PIP5KL1: variants seen among roughly 807,000 people sequenced by gnomAD.
PIP5KL1 encodes the protein phosphatidylinositol-4-phosphate 5-kinase like 1.
A neutral mutation model predicts 47.6 loss-of-function variants in PIP5KL1; 45 were observed. That is an observed-to-expected ratio of 0.94 (90% confidence interval 0.74 to 1.21). The LOEUF is 1.21. Among genes scored for constraint, PIP5KL1 ranks in the 50% most tolerant of loss-of-function variants. PIP5KL1 has a pLI of 0.00. For missense variants in PIP5KL1, 577 were observed against 547.6 expected, an observed-to-expected ratio of 1.05 and a Z score of -0.54; for synonymous variants, 256 against 234.6, an observed-to-expected ratio of 1.09 and a Z score of -0.84.
intron 9 of PIP5KL1, among the ~76,000 whole-genome samples, chr9:127,924,683 T>C (rs1831334562): frequency 6.6e-6 from 1 of 150,822 alleles, no homozygotes; most frequent in South Asian, 2.1e-4. Flanking sequence ...GCAAAAATGT[T>C]AAAAATTAAA....
rs547344566 is a variant in PIP5KL1 at position 127,927,998 on chromosome 9, T to C, written c.434+67A>G. 1 of 1,467,502 alleles carries C rather than the reference T, an allele frequency of 6.8e-7. No homozygotes were observed. The highest frequency in any genetic ancestry group is 1.4e-5 in the South Asian group (1 of 71,478). 90.9% of individuals were successfully genotyped at this position (1,467,502 alleles called of 1,614,324 possible). ...CTCTTCAGGGGGCCTTCCCCGCCAC[T>C]GGGAATTCTGCCCTCCCAGCCAGGG... On this transcript the variant is annotated intron_variant, in intron 4 of 9. Coordinates refer to ENST00000388747, the MANE Select transcript of PIP5KL1 (RefSeq NM_001135219.2). This position sits in a 1 kb window ranked among gnomAD's most constrained non-coding sequence, Gnocchi z 5.5.
intron 1 of PIP5KL1, among the ~76,000 whole-genome samples, chr9:127,930,241 C>T (rs1162766889): frequency 2.0e-5 from 3 of 152,206 alleles, no homozygotes; most frequent in Admixed American, 6.5e-5. Flanking sequence ...ACAGCTTCTT[C>T]GTGGTAGGTA....
chr9:127,930,729 G>A lies in PIP5KL1; in HGVS notation c.24C>T (p.Pro8=). Residue 8 remains proline (P), a synonymous_variant, in exon 1 of 10, where the codon CCC becomes CCT. Transcript: ENST00000388747. MAAPSPG[P]REVLAPSPEA... is the part of the protein sequence containing the mutation. Reference sequence around the variant, plus strand: ...CTCTCGGGTCCGCACCTACCTCGCGGGGCCCCGGGCTCGGCGCAGCCATCG... The same window carrying A: ...CTCTCGGGTCCGCACCTACCTCGCGAGGCCCCGGGCTCGGCGCAGCCATCG... 6.4e-7 allele frequency: 1 copy of A among 1,569,410 alleles called. No individual in the cohort carries two copies. The highest frequency in any genetic ancestry group is 8.6e-7 in the Non-Finnish European group (1 of 1,161,664).
chr9:127,922,715 A>AAG (rs1554720854), intron 9 of PIP5KL1, among the ~76,000 whole-genome samples: 12 of 149,082 alleles, frequency 8.0e-5, no homozygotes, highest in African/African-American at 2.7e-4. Context: ...AAAAAAAGAA[A>AAG]AAAGAAAAAG....
chr9:127,921,035 T>A lies in PIP5KL1; in HGVS notation c.*812A>T, dbSNP rs1831273917. 1 of 152,316 alleles carries A rather than the reference T, an allele frequency of 6.6e-6. No individual in the cohort carries two copies. Among genetic ancestry groups the A allele is most frequent in the Non-Finnish European group, 1.5e-5 (1 of 68,108 alleles). 9.4% of individuals were successfully genotyped at this position (152,316 alleles called of 1,614,324 possible). A position where few individuals can be genotyped will look rare whatever the true frequency, so the allele number is the denominator to read the frequency against. On this transcript the variant is annotated 3_prime_UTR_variant, in exon 10 of 10. Coordinates refer to ENST00000388747, the MANE Select transcript of PIP5KL1 (RefSeq NM_001135219.2). The stretch of plus-strand genomic sequence containing the variant: ...TTCTGGAGGAAAGGCCCGCTTGGGC[T>A]TGGGCATGGTCGGATTGAACTGGGG...
intron 3 of PIP5KL1, 85 bp downstream of exon 3, chr9:127,928,348 A>G: frequency 6.5e-7 from 1 of 1,539,752 alleles, no homozygotes; most frequent in Non-Finnish European, 8.8e-7. Context: ...ACAAGCCTTC[A>G]CTCCCACTGC....
chr9:127,924,021 C>T (rs1278945758), intron 9 of PIP5KL1, among the ~76,000 whole-genome samples: 2 of 152,218 alleles, frequency 1.3e-5, no homozygotes, highest in Admixed American at 6.5e-5. Context: ...ATGATGATGA[C>T]GTCAGCGTCC....
At chr9:127,925,535 G>A (rs1004801127) in intron 8 of PIP5KL1, 20 of 475,046 alleles carry the variant, frequency 4.2e-5, no homozygotes, top group Admixed American at 7.2e-5. Flanking sequence ...GCGCCATCTC[G>A]GCTCACTGCA....
intron 9 of PIP5KL1, 141 bp downstream of exon 9, chr9:127,924,964 ACG>A: frequency 1.1e-5 from 12 of 1,115,336 alleles, no homozygotes; most frequent in Admixed American, 2.2e-5. Context: ...ACGCGCGCAC[ACG>A]CACACACACA....
At chr9:127,923,595 C>T (rs781670321) in intron 9 of PIP5KL1, among the ~76,000 whole-genome samples, 78 of 152,362 alleles carry the variant, frequency 5.1e-4, no homozygotes, top group Non-Finnish European at 9.1e-4. Flanking sequence ...TGCCACCATC[C>T]GGTCAGGACG....
Position 127,929,950 on chromosome 9 carries a change from A to G in PIP5KL1, c.31-65T>C. The G allele has an allele frequency of 1.5e-6, 2 of 1,354,426 alleles. No homozygotes were observed. Among genetic ancestry groups the G allele is most frequent in the Non-Finnish European group, 2.0e-6 (2 of 1,019,486 alleles). The allele number at this position is 1,354,426 out of a possible 1,614,324, so 83.9% of individuals were successfully genotyped here. The stretch of plus-strand genomic sequence containing the variant: ...CACAGAGGAAAAAGATCAGGGTTCA[A>G]GTCCCACTTCCACTACTTGTGAGAC... On this transcript the variant is annotated intron_variant, in intron 1 of 9. Transcript: ENST00000388747. The surrounding 1 kb of genome is among the most constrained non-coding windows in gnomAD (Gnocchi z 4.0).
At chr9:127,922,699 A>AAAG (rs1458347252) in intron 9 of PIP5KL1, among the ~76,000 whole-genome samples, 4 of 147,188 alleles carry the variant, frequency 2.7e-5, no homozygotes, top group Non-Finnish European at 5.9e-5. Flanking sequence ...TGTCTCAAAA[A>AAAG]AAAAAAAAAA....
rs532409259 is a variant in PIP5KL1 at position 127,921,747 on chromosome 9, C to A, written c.*100G>T. Reference sequence around the variant, plus strand: ...GTTAGGGGATGCTGCCCTCTGGCGACCATCAGGAGGAAGCGCAGGCGAGAT... The same window carrying A: ...GTTAGGGGATGCTGCCCTCTGGCGAACATCAGGAGGAAGCGCAGGCGAGAT... On this transcript the variant is annotated 3_prime_UTR_variant, in exon 10 of 10. Coordinates refer to ENST00000388747, the MANE Select transcript of PIP5KL1 (RefSeq NM_001135219.2). 1 of 1,425,134 alleles carries A rather than the reference C, an allele frequency of 7.0e-7. No homozygotes were observed. The highest frequency in any genetic ancestry group is 9.3e-7 in the Non-Finnish European group (1 of 1,078,052). The allele number at this position is 1,425,134 out of a possible 1,614,324, so 88.3% of individuals were successfully genotyped here.
intron 8 of PIP5KL1, 152 bp downstream of exon 8, chr9:127,925,715 C>T (rs558155673): frequency 1.8e-4 from 121 of 670,502 alleles, no homozygotes; most frequent in African/African-American, 1.3e-3. Flanking sequence ...CCACCTGTCT[C>T]GGCCTCCCAA....
In PIP5KL1 at chr9:127,921,864, C is replaced by T. The variant is rs202022606; in HGVS notation, c.1168G>A (p.Glu390Lys). 1.7e-4 allele frequency: 266 copies of T among 1,575,158 alleles called. No homozygotes were observed. Among genetic ancestry groups the T allele is most frequent in the Middle Eastern group, 2.1e-4 (1 of 4,728 alleles). The change falls in exon 10 of 10, where the codon GAG (glutamate) becomes AAG (lysine). Residue 390 changes from glutamate to lysine, a missense_variant. Glu to Lys is a moderately conservative substitution (Grantham distance 56). Transcript: ENST00000388747. ...RYARRLCQWV[E>K]AHTE ...GGCGCCCGTCACTCCGTGTGCGCCT[C>T]CACCCACTGGCAGAGGCGACGGGCG...
rs188921794 is a variant in PIP5KL1, at chr9:127,926,106, C to G, written c.651-127G>C. 4.1e-4 allele frequency: 208 copies of G among 504,548 alleles called. No individual in the cohort carries two copies. In the Middle Eastern group the frequency reaches 9.6e-3, roughly 23 times the overall value. 31.3% of individuals were successfully genotyped at this position (504,548 alleles called of 1,614,324 possible). The stretch of plus-strand genomic sequence containing the variant: ...GATCATCCCCAGTCCTCAGCACAAC[C>G]CTGGCCTGTCTTTTTCTCTTTCTTT... On this transcript the variant is annotated intron_variant, in intron 7 of 9. Transcript: ENST00000388747.
At position 127,927,144 on chromosome 9, in the gene PIP5KL1, GC is replaced by G; in HGVS notation, c.650+8del. 1 of 1,607,762 alleles carries G rather than the reference GC, an allele frequency of 6.2e-7. No individual in the cohort carries two copies. Among genetic ancestry groups the G allele is most frequent in the South Asian group, 1.1e-5 (1 of 90,434 alleles). ...GGGATGGGGGCCCAAACCTGCTTAG[GC>G]CACTCACCTCTCGGAGATGCGGCCG... On this transcript the variant is annotated splice_region_variant and intron_variant, in intron 7 of 9. Transcript: ENST00000388747. The surrounding 1 kb of genome is among the most constrained non-coding windows in gnomAD (Gnocchi z 5.5).
rs781034682 is a variant in PIP5KL1 at position 127,927,359 on chromosome 9, G to C, written c.560-28C>G. ...GGAAGGGGAGAGGGCGCCGGATGAG[G>C]ATCCCCAAACTCCACAACCCGGGGT... On this transcript the variant is annotated intron_variant, in intron 5 of 9. Coordinates refer to ENST00000388747, the MANE Select transcript of PIP5KL1 (RefSeq NM_001135219.2). The surrounding 1 kb of genome is among the most constrained non-coding windows in gnomAD (Gnocchi z 5.5). 5 of 1,596,404 alleles carry C rather than the reference G, an allele frequency of 3.1e-6. No individual in the cohort carries two copies. Among genetic ancestry groups the C allele is most frequent in the Non-Finnish European group, 4.3e-6 (5 of 1,174,716 alleles).
At position 127,921,242 on chromosome 9, in the gene PIP5KL1, C is replaced by G. The variant is rs529256802; in HGVS notation, c.*605G>C. The stretch of plus-strand genomic sequence containing the variant: ...CTCACCTGAGATCAGTAGTAGACCC[C>G]GTTCAGAATGCCTCCCAGAGCTCCA... On this transcript the variant is annotated 3_prime_UTR_variant, in exon 10 of 10. Transcript: ENST00000388747. 6.5e-6 allele frequency: 1 copy of G among 152,982 alleles called. No individual in the cohort carries two copies. Among genetic ancestry groups the G allele is most frequent in the East Asian group, 1.9e-4 (1 of 5,198 alleles). 9.5% of individuals were successfully genotyped at this position (152,982 alleles called of 1,614,324 possible). A position where few individuals can be genotyped will look rare whatever the true frequency, so the allele number is the denominator to read the frequency against.
Sources: gnomAD v4.1 joint callset for allele counts (sites outside exome capture counted in the v4.1 genomes callset) on GRCh38, gnomAD v4.1.1 for gene constraint, Gnocchi (gnomAD v3.1) non-coding constraint, MANE v1.5 for transcripts, NCBI Gene and HGNC (gene_info 2026-07-23, HGNC 2026-07-21) for gene names.